Variants in PITPNC1 observed in about 807,000 individuals in gnomAD.
PITPNC1 encodes phosphatidylinositol transfer protein cytoplasmic 1.
Under a neutral mutation model 44.7 loss-of-function variants are expected in PITPNC1, and 18 were observed. The observed-to-expected ratio is 0.40, with a 90% confidence interval of 0.28 to 0.60. The LOEUF is 0.60. PITPNC1 is among the 20% of genes least tolerant of loss of function. The probability of loss-of-function intolerance (pLI) is 0.39; values close to 1 mark genes in which losing one functional copy is unlikely to be tolerated. For synonymous variants in PITPNC1, 141 were observed against 149.6 expected (o/e 0.94, Z 0.42); for missense variants, 290 against 418.4 (o/e 0.69, Z 2.68).
At chr17:67,470,728 C>T (rs1049227151) in intron 1 of PITPNC1, among the ~76,000 whole-genome samples, 3 of 151,996 alleles carry the variant, frequency 2.0e-5, no homozygotes, top group African/African-American at 7.3e-5. Context: ...GAGAACAGGC[C>T]AGGATGACAA....
intron 7 of PITPNC1, among the ~76,000 whole-genome samples, chr17:67,674,696 T>C (rs2042572224): frequency 6.6e-6 from 1 of 151,726 alleles, no homozygotes; most frequent in Non-Finnish European, 1.5e-5. Flanking sequence ...AAAGAGGGAA[T>C]GTTAAGTGCT....
chr17:67,610,159 C>T (rs540586608), intron 5 of PITPNC1, among the ~76,000 whole-genome samples: 117 of 152,308 alleles, frequency 7.7e-4, no homozygotes, highest in Admixed American at 9.8e-4. Context: ...TAAGTGCCAG[C>T]ATTACCTGGG....
intron 1 of PITPNC1, among the ~76,000 whole-genome samples, chr17:67,502,785 A>ATTGTG (rs2040051446): frequency 6.6e-6 from 1 of 151,100 alleles, no homozygotes; most frequent in African/African-American, 2.4e-5. Flanking sequence ...ATTGTATTGT[A>ATTGTG]TTGTATTGTA....
intron 1 of PITPNC1, among the ~76,000 whole-genome samples, chr17:67,402,234 A>G (rs931416829): frequency 4.6e-5 from 7 of 152,234 alleles, no homozygotes; most frequent in African/African-American, 2.4e-5. Flanking sequence ...TTCACATGCC[A>G]CGAAATATTA....
chr17:67,528,230 C>T (rs755894458), intron 1 of PITPNC1, among the ~76,000 whole-genome samples: 10 of 151,978 alleles, frequency 6.6e-5, no homozygotes, highest in Non-Finnish European at 1.2e-4. Flanking sequence ...TTAGTAGAGA[C>T]GGGGTTTTGC....
intron 1 of PITPNC1, among the ~76,000 whole-genome samples, chr17:67,433,430 C>T (rs1036012944): frequency 2.0e-5 from 3 of 152,092 alleles, no homozygotes; most frequent in Non-Finnish European, 2.9e-5. Context: ...AAGCCAGCCC[C>T]GGGCAGAAGA....
chr17:67,448,093 A>C (rs895006254), intron 1 of PITPNC1, among the ~76,000 whole-genome samples: 3 of 152,048 alleles, frequency 2.0e-5, no homozygotes, highest in African/African-American at 2.4e-5. Flanking sequence ...TTAAAGGCGC[A>C]CACCACCACA....
chr17:67,382,345 G>A (rs1384930697), intron 1 of PITPNC1, among the ~76,000 whole-genome samples: 2 of 136,182 alleles, frequency 1.5e-5, no homozygotes, highest in Non-Finnish European at 3.4e-5. Flanking sequence ...TTTGGTGTGT[G>A]TGTGTGTGTG....
chr17:67,688,573 C>G (rs2042864007), intron 8 of PITPNC1, among the ~76,000 whole-genome samples: 3 of 152,102 alleles, frequency 2.0e-5, no homozygotes, highest in African/African-American at 7.2e-5. Context: ...ATGCAGTGAT[C>G]TGATTTGCAG....
intron 5 of PITPNC1, among the ~76,000 whole-genome samples, chr17:67,596,611 A>G (rs1244265021): frequency 6.6e-6 from 1 of 152,014 alleles, no homozygotes; most frequent in African/African-American, 2.4e-5. Flanking sequence ...CCTAGGTTCA[A>G]TCGATTCTCC....
intron 1 of PITPNC1, among the ~76,000 whole-genome samples, chr17:67,437,897 A>G (rs528063544): frequency 2.5e-4 from 38 of 152,150 alleles, no homozygotes; most frequent in African/African-American, 8.7e-4. Flanking sequence ...GCGAAACCCC[A>G]TCTCTACTAA....
rs370551042 is a variant in PITPNC1 at position 67,621,582 on chromosome 17, T to G, written c.367-10561T>G. Among the ~76,000 whole-genome samples the G allele has an allele frequency of 1.2e-4, 18 of 152,292 alleles. No individual in the cohort carries two copies. In the South Asian group the frequency reaches 3.3e-3, roughly 28 times the overall value. On this transcript the variant is annotated intron_variant, in intron 5 of 8. Coordinates refer to ENST00000581322, the MANE Select transcript of PITPNC1 (RefSeq NM_012417.4). ...AATATCGATTAAATTGTGTATTAAA[T>G]CTAGTCTCCACAAAATCATAGCCCC...
chr17:67,445,558 C>T lies in PITPNC1; in HGVS notation c.48+67356C>T, dbSNP rs202103907. ...GTACTTTCCTTGTTAACTAATTTCTCCTTTAGTAGCAAAAGGAATTGTGAC... is the reference window on the plus strand; with the variant it reads ...GTACTTTCCTTGTTAACTAATTTCTTCTTTAGTAGCAAAAGGAATTGTGAC... On this transcript the variant is annotated intron_variant, in intron 1 of 8. Transcript: ENST00000581322. 5.4e-5 allele frequency among the ~76,000 whole-genome samples: 4 copies of T among 73,618 alleles called. 1 individual carries two copies. The highest frequency in any genetic ancestry group is 1.4e-4 in the African/African-American group (4 of 28,012). 48.3% of individuals were successfully genotyped at this position (73,618 alleles called of 152,430 possible).
intron 5 of PITPNC1, among the ~76,000 whole-genome samples, chr17:67,579,489 A>G (rs570539071): frequency 1.3e-5 from 2 of 152,304 alleles, no homozygotes; most frequent in African/African-American, 4.8e-5. Context: ...CCAATGGGAA[A>G]TGTTTAGGGC....
At chr17:67,429,104 G>A (rs2038818025) in intron 1 of PITPNC1, among the ~76,000 whole-genome samples, 1 of 151,518 alleles carries the variant, frequency 6.6e-6, no homozygotes, top group Non-Finnish European at 1.5e-5. Context: ...GCCTCCCAAA[G>A]TGCTGGGATT....
chr17:67,437,700 G>A (rs753217252), intron 1 of PITPNC1, among the ~76,000 whole-genome samples: 26 of 152,172 alleles, frequency 1.7e-4, no homozygotes, highest in Admixed American at 2.6e-4. Context: ...GAGGTGGGTG[G>A]TCTTACCAGG....
chr17:67,654,574 G>A (rs530145284), intron 6 of PITPNC1, among the ~76,000 whole-genome samples: 1 of 152,168 alleles, frequency 6.6e-6, no homozygotes, highest in Non-Finnish European at 1.5e-5. Context: ...TATGTGCCAG[G>A]CTGGGCTGGG....
At chr17:67,569,049 A>AGG (rs1359565538) in intron 4 of PITPNC1, among the ~76,000 whole-genome samples, 2 of 152,002 alleles carry the variant, frequency 1.3e-5, no homozygotes, top group Middle Eastern at 3.4e-3. Flanking sequence ...ACCCATCCCC[A>AGG]GGGCCCCCAT....
At chr17:67,473,648 T>A (rs2039583536) in intron 1 of PITPNC1, among the ~76,000 whole-genome samples, 1 of 152,110 alleles carries the variant, frequency 6.6e-6, no homozygotes. Flanking sequence ...CTTGTTATGT[T>A]TCCCAGGCTG....
Sources: gnomAD v4.1 joint callset for allele counts (sites outside exome capture counted in the v4.1 genomes callset) on GRCh38, gnomAD v4.1.1 for gene constraint, MANE v1.5 for transcripts, NCBI Gene and HGNC (gene_info 2026-07-23, HGNC 2026-07-21) for gene names.